The following NPIPB9 variants were observed in gnomAD, a reference collection of about 807,000 sequenced individuals.
The protein encoded by NPIPB9 is nuclear pore complex interacting protein family member B9.
NPIPB9 carries 1 observed loss-of-function variant against 5.6 expected under a neutral mutation model. The ratio of observed to expected loss-of-function variants is 0.18; its 90% CI spans 0.06 to 0.84. The LOEUF (loss-of-function observed/expected upper bound fraction) is 0.84. NPIPB9 is among the 40% of genes least tolerant of loss of function. The probability of loss-of-function intolerance (pLI) is 0.70; values close to 1 mark genes in which losing one functional copy is unlikely to be tolerated. For missense variants in NPIPB9, 3 were observed against 39.1 expected (o/e 0.08, Z 2.46); for synonymous variants, 2 against 12.5 (o/e 0.16, Z 1.77).
At chr16:28,753,517 C>A in intron 1 of NPIPB9, among the ~76,000 whole-genome samples, 1 of 64,636 alleles carries the variant, frequency 1.5e-5, no homozygotes, top group East Asian at 3.3e-4. Flanking sequence ...TACACACACA[C>A]ACACACACAT....
intron 1 of NPIPB9, among the ~76,000 whole-genome samples, chr16:28,753,568 A>C (rs1385559519): frequency 4.3e-5 from 3 of 69,928 alleles, no homozygotes. Context: ...ACACACACAC[A>C]CACATATAGA....
In NPIPB9 at chr16:28,758,389, C is replaced by T. The variant is rs1335776527; in HGVS notation, c.111+306C>T. The stretch of plus-strand genomic sequence containing the variant: ...TCTTCTCCGTGACCTGTAGCTAAAC[C>T]TTCCACCAGCGCTTGAGAACTTAAT... On this transcript the variant is annotated intron_variant, in intron 2 of 7. Transcript: ENST00000550983. 1.4e-3 allele frequency among the ~76,000 whole-genome samples: 168 copies of T among 116,630 alleles called. 1 individual carries two copies. Among genetic ancestry groups the T allele is most frequent in the African/African-American group, 5.1e-3 (164 of 32,438 alleles). The allele number at this position is 116,630 out of a possible 152,430, so 76.5% of individuals were successfully genotyped here.
intron 3 of NPIPB9, among the ~76,000 whole-genome samples, chr16:28,765,721 TTGTGTGTGTGTG>T (rs761146509): frequency 7.9e-5 from 3 of 38,040 alleles, no homozygotes; most frequent in Admixed American, 3.0e-4. Flanking sequence ...CATGTCATTC[TTGTGTGTGTGTG>T]TGTGTGTGTG....
rs1356441984 is a variant in NPIPB9, at chr16:28,756,155, G to T, written c.26-1843G>T. Among the ~76,000 whole-genome samples the T allele has an allele frequency of 4.2e-4, 37 of 88,524 alleles. 3 individuals are homozygous for T. The highest frequency in any genetic ancestry group is 9.5e-4 in the Non-Finnish European group (36 of 37,964). 58.1% of individuals were successfully genotyped at this position (88,524 alleles called of 152,430 possible). A position where few individuals can be genotyped will look rare whatever the true frequency, so the allele number is the denominator to read the frequency against. On this transcript the variant is annotated intron_variant, in intron 1 of 7. Coordinates refer to ENST00000550983, the Ensembl canonical transcript of NPIPB9. The stretch of plus-strand genomic sequence containing the variant: ...ATCTGACTTCAACCCCCACTTACTT[G>T]GTCTCTCCTTTTACAACCAACACAA...
intron 3 of NPIPB9, among the ~76,000 whole-genome samples, chr16:28,765,836 C>A (rs1175034663): frequency 1.9e-5 from 2 of 105,602 alleles, no homozygotes; most frequent in African/African-American, 6.4e-5. Flanking sequence ...CTCACTGCAA[C>A]CTCCGCCTCC....
Position 28,752,523 on chromosome 16 carries a change from G to C in NPIPB9, c.-45G>C, listed in dbSNP as rs1490692117. 1.2e-5 allele frequency: 16 copies of C among 1,378,394 alleles called. 4 individuals carry two copies. The highest frequency in any genetic ancestry group is 3.0e-5 in the African/African-American group (2 of 66,628). 85.4% of individuals were successfully genotyped at this position (1,378,394 alleles called of 1,614,324 possible). A position where few individuals can be genotyped will look rare whatever the true frequency, so the allele number is the denominator to read the frequency against. ...CCCCACAGTTCCTGTCGCATGACCA[G>C]AGCCAGTTCACCAAGGAGCTGCAGC... On this transcript the variant is annotated 5_prime_UTR_variant, in exon 1 of 8. Transcript: ENST00000550983.
At chr16:28,753,381 G>T in intron 1 of NPIPB9, among the ~76,000 whole-genome samples, 1 of 50,638 alleles carries the variant, frequency 2.0e-5, no homozygotes, top group Non-Finnish European at 4.0e-5. Context: ...CATTTGTTTT[G>T]AATGCTCTGT....
intron 5 of NPIPB9, chr16:28,769,715 CA>C (rs2049341957): frequency 1.2e-6 from 1 of 848,972 alleles, no homozygotes; most frequent in South Asian, 6.3e-5. Flanking sequence ...AGAGAGTTCA[CA>C]AAACAGAAAA....
At position 28,767,024 on chromosome 16, in the gene NPIPB9, G is replaced by C. The variant is rs376284609; in HGVS notation, c.590+535G>C. Among the ~76,000 whole-genome samples, 131 of 49,330 alleles carry C rather than the reference G, an allele frequency of 2.7e-3. 3 individuals carry two copies. The highest frequency in any genetic ancestry group is 9.5e-3 in the African/African-American group (101 of 10,612). 32.4% of individuals were successfully genotyped at this position (49,330 alleles called of 152,430 possible). A position where few individuals can be genotyped will look rare whatever the true frequency, so the allele number is the denominator to read the frequency against. ...TAGAGGTGTGAGCCACCACACCCAG[G>C]CTTTTTTTTTTTTTTTTTAATTTTG... On this transcript the variant is annotated intron_variant, in intron 5 of 7. Coordinates refer to ENST00000550983, the Ensembl canonical transcript of NPIPB9.
chr16:28,753,553 C>CACAG (rs2048708247), intron 1 of NPIPB9, among the ~76,000 whole-genome samples: 1 of 74,052 alleles, frequency 1.4e-5, no homozygotes. Flanking sequence ...CACACACACA[C>CACAG]ACACACACAC....
intron 1 of NPIPB9, among the ~76,000 whole-genome samples, chr16:28,753,531 TACACACACACACACACACAC>T (rs1158927991): frequency 1.4e-4 from 6 of 42,040 alleles, no homozygotes; most frequent in Admixed American, 5.7e-4. Flanking sequence ...CACACATACA[TACACACACACACACACACAC>T]ACACACACAC....
rs1166910766 is a variant in NPIPB9, at chr16:28,752,513, C to T, written c.-55C>T. 1.2e-5 allele frequency: 16 copies of T among 1,386,764 alleles called. 4 individuals are homozygous for T. The highest frequency in any genetic ancestry group is 6.0e-5 in the South Asian group (5 of 83,498). 85.9% of individuals were successfully genotyped at this position (1,386,764 alleles called of 1,614,324 possible). ...ATTGTCCTGACCCCACAGTTCCTGT[C>T]GCATGACCAGAGCCAGTTCACCAAG... On this transcript the variant is annotated 5_prime_UTR_variant, in exon 1 of 8. Transcript: ENST00000550983.
chr16:28,756,396 G>C (rs1596751300), intron 1 of NPIPB9, among the ~76,000 whole-genome samples: 1 of 107,382 alleles, frequency 9.3e-6, no homozygotes. Context: ...GTAGAGACAG[G>C]GTTTCACCAT....
chr16:28,765,720 CTTGTGT>C (rs2049157698), intron 3 of NPIPB9, among the ~76,000 whole-genome samples: 2 of 35,484 alleles, frequency 5.6e-5, no homozygotes, highest in Non-Finnish European at 1.1e-4. Context: ...TCATGTCATT[CTTGTGT>C]GTGTGTGTGT....
intron 5 of NPIPB9, chr16:28,769,508 C>A: frequency 5.1e-6 from 2 of 391,330 alleles, no homozygotes; most frequent in Non-Finnish European, 3.2e-6. Context: ...AAAGGAGAGG[C>A]AGGTATCAGA....
At position 28,765,720 on chromosome 16, in the gene NPIPB9, C is replaced by CG. The variant is rs1567362702; in HGVS notation, c.295-362_295-361insG. Reference sequence around the variant, plus strand: ...GCCACCGTGCCAGCCTCATGTCATTCTTGTGTGTGTGTGTGTGTGTGTGTG... The same window carrying CG: ...GCCACCGTGCCAGCCTCATGTCATTCGTTGTGTGTGTGTGTGTGTGTGTGTG... On this transcript the variant is annotated intron_variant, in intron 3 of 7. Coordinates refer to ENST00000550983, the Ensembl canonical transcript of NPIPB9. Among the ~76,000 whole-genome samples the CG allele has an allele frequency of 1.1e-4, 4 of 35,498 alleles. 1 individual carries two copies. Among genetic ancestry groups the CG allele is most frequent in the Non-Finnish European group, 2.2e-4 (4 of 18,266 alleles). 23.3% of individuals were successfully genotyped at this position (35,498 alleles called of 152,430 possible). A position where few individuals can be genotyped will look rare whatever the true frequency, so the allele number is the denominator to read the frequency against.
Position 28,766,396 on chromosome 16 carries a change from CA to C in NPIPB9, c.501del (p.Val168LeufsTer10). 1 of 372,220 alleles carries C rather than the reference CA, an allele frequency of 2.7e-6. No homozygotes were observed. Among genetic ancestry groups the C allele is most frequent in the South Asian group, 3.2e-5 (1 of 31,246 alleles). 23.1% of individuals were successfully genotyped at this position (372,220 alleles called of 1,614,324 possible). Reference sequence around the variant, plus strand: ...ATTACTCTACGGAGGCATGTGGAAACAAAAGTTAGAGCTAAAATCCGTAAGA... The same window carrying C: ...ATTACTCTACGGAGGCATGTGGAAACAAAGTTAGAGCTAAAATCCGTAAGA... On this transcript the variant is annotated frameshift_variant, in exon 5 of 8. Transcript: ENST00000550983. LOFTEE classifies it high-confidence loss of function.
At chr16:28,765,082 T>C (rs1236880747) in intron 3 of NPIPB9, among the ~76,000 whole-genome samples, 1 of 50,498 alleles carries the variant, frequency 2.0e-5, no homozygotes, top group African/African-American at 8.0e-5. Flanking sequence ...AGTTCAGTTG[T>C]GTGAAGTATA....
intron 1 of NPIPB9, among the ~76,000 whole-genome samples, chr16:28,754,521 G>A (rs1204010797): frequency 1.7e-5 from 1 of 58,830 alleles, no homozygotes; most frequent in African/African-American, 9.2e-5. Flanking sequence ...TCTAAGAGAT[G>A]AAGGAGAGGG....
Sources: allele counts gnomAD v4.1 joint callset (sites outside exome capture counted in the v4.1 genomes callset), GRCh38; gene constraint gnomAD v4.1.1; transcripts MANE v1.5; gene names NCBI Gene and HGNC (gene_info 2026-07-23, HGNC 2026-07-21).